Variants in CHCHD3 observed in about 807,000 individuals in gnomAD.
CHCHD3 encodes coiled-coil-helix-coiled-coil-helix domain containing 3, also known as MICOS complex subunit MIC19.
In CHCHD3, 20 loss-of-function variants were observed where a neutral mutation model predicts 38.2. The observed-to-expected ratio is 0.52, with a 90% CI of 0.37 to 0.76. The LOEUF (loss-of-function observed/expected upper bound fraction) is 0.76. CHCHD3 is among the 30% of genes least tolerant of loss of function. CHCHD3 has a pLI of 0.00. For synonymous variants in CHCHD3, 82 were observed against 100.0 expected (o/e 0.82, Z 1.07); for missense variants, 245 against 279.2 (o/e 0.88, Z 0.87).
chr7:132,938,265 A>G (rs189710199), intron 4 of CHCHD3, among the ~76,000 whole-genome samples: 1 of 152,302 alleles, frequency 6.6e-6, no homozygotes, highest in East Asian at 1.9e-4. Context: ...ATCATACCCT[A>G]TTTAACAGAT....
intron 3 of CHCHD3, among the ~76,000 whole-genome samples, chr7:132,997,667 A>C (rs58551400): frequency 2.5e-4 from 22 of 89,556 alleles, no homozygotes; most frequent in South Asian, 3.8e-4. Flanking sequence ...TGTAAAAAAA[A>C]AAAAAAAAAA....
chr7:132,814,561 C>T (rs866599474), intron 6 of CHCHD3, among the ~76,000 whole-genome samples: 2 of 152,184 alleles, frequency 1.3e-5, no homozygotes, highest in South Asian at 4.1e-4. Flanking sequence ...ATAAATGCAC[C>T]ATGGCTGAAT....
intron 3 of CHCHD3, among the ~76,000 whole-genome samples, chr7:132,999,302 CA>C (rs1344517370): frequency 6.6e-6 from 1 of 152,148 alleles, no homozygotes; most frequent in African/African-American, 2.4e-5. Flanking sequence ...TTGGTTTTCT[CA>C]CATGAAGATG....
intron 6 of CHCHD3, among the ~76,000 whole-genome samples, chr7:132,822,223 C>G (rs1807397472): frequency 1.3e-5 from 2 of 152,150 alleles, no homozygotes; most frequent in Admixed American, 6.5e-5. Flanking sequence ...TATGGATTGA[C>G]ATTTCTGCCA....
chr7:133,057,539 G>A (rs1814378854), intron 2 of CHCHD3, among the ~76,000 whole-genome samples: 1 of 151,956 alleles, frequency 6.6e-6, no homozygotes, highest in African/African-American at 2.4e-5. Flanking sequence ...TCCAGCTAGG[G>A]TGATACAGTA....
chr7:132,804,565 AC>A (rs1250577792), intron 6 of CHCHD3, among the ~76,000 whole-genome samples: 5 of 152,220 alleles, frequency 3.3e-5, no homozygotes, highest in African/African-American at 1.2e-4. Context: ...TGCTTTTAAT[AC>A]CAAGAGAAGT....
chr7:132,861,693 C>T (rs771659309), intron 5 of CHCHD3, among the ~76,000 whole-genome samples: 16 of 152,134 alleles, frequency 1.1e-4, no homozygotes, highest in Admixed American at 2.0e-4. Flanking sequence ...TGTTGTAGTA[C>T]GAAAGTAGCC....
At chr7:133,050,340 TAAAAAAAAAAAAAAAAAAAAAAA>T (rs35635002) in intron 2 of CHCHD3, among the ~76,000 whole-genome samples, 17 of 31,852 alleles carry the variant, frequency 5.3e-4, no homozygotes, top group Non-Finnish European at 8.8e-4. Context: ...GGCTGTGTCT[TAAAAAAAAAAAAAAAAAAAAAAA>T]AAAAAAAAAA....
intron 4 of CHCHD3, among the ~76,000 whole-genome samples, chr7:132,939,935 T>C (rs1178119507): frequency 6.6e-6 from 1 of 152,140 alleles, no homozygotes; most frequent in Non-Finnish European, 1.5e-5. Context: ...TTCTTTTGAG[T>C]AAATCTGTTA....
intron 5 of CHCHD3, among the ~76,000 whole-genome samples, chr7:132,877,591 T>TA (rs934859814): frequency 7.2e-5 from 11 of 152,188 alleles, no homozygotes; most frequent in East Asian, 1.9e-4. Context: ...TTGTTGATGA[T>TA]AAAAAAAATT....
At chr7:132,821,987 C>A (rs1474263368) in intron 6 of CHCHD3, among the ~76,000 whole-genome samples, 1 of 152,132 alleles carries the variant, frequency 6.6e-6, no homozygotes, top group Non-Finnish European at 1.5e-5. Context: ...TGGTCTCGAT[C>A]TCCTGACCTC....
intron 6 of CHCHD3, among the ~76,000 whole-genome samples, chr7:132,812,030 C>T (rs1392388875): frequency 6.6e-6 from 1 of 151,900 alleles, no homozygotes; most frequent in South Asian, 2.1e-4. Context: ...CCCTCCTCTA[C>T]CTCCAATTTA....
intron 4 of CHCHD3, among the ~76,000 whole-genome samples, chr7:132,921,818 T>A (rs1810270611): frequency 6.6e-6 from 1 of 152,294 alleles, no homozygotes; most frequent in Admixed American, 6.5e-5. Flanking sequence ...TGACACTGGG[T>A]TGGTGAGAAG....
chr7:133,016,279 CAGTA>C (rs1562938642), intron 3 of CHCHD3, among the ~76,000 whole-genome samples: 1 of 152,114 alleles, frequency 6.6e-6, no homozygotes, highest in Non-Finnish European at 1.5e-5. Context: ...GCTTAGCACA[CAGTA>C]AGTAAGAGAT....
intron 3 of CHCHD3, among the ~76,000 whole-genome samples, chr7:133,011,581 G>A (rs2117412545): frequency 1.3e-5 from 2 of 152,292 alleles, no homozygotes; most frequent in African/African-American, 4.8e-5. Flanking sequence ...AACCTAAAAG[G>A]TCTCCAGGTA....
At chr7:132,877,639 T>C (rs1258552262) in intron 5 of CHCHD3, among the ~76,000 whole-genome samples, 3 of 152,176 alleles carry the variant, frequency 2.0e-5, no homozygotes, top group Non-Finnish European at 4.4e-5. Context: ...GCCACTTTAA[T>C]AAAACCTCTG....
intron 4 of CHCHD3, among the ~76,000 whole-genome samples, chr7:132,957,511 C>T (rs1811210947): frequency 6.6e-6 from 1 of 152,054 alleles, no homozygotes; most frequent in South Asian, 2.1e-4. Context: ...GAGACAGAGT[C>T]TCACTCTGTC....
At chr7:132,881,831 C>T (rs10954396) in intron 5 of CHCHD3, among the ~76,000 whole-genome samples, 32,985 of 152,004 alleles carry the variant, frequency 0.22, 3,832 homozygotes, top group South Asian at 0.26. Context: ...ATTCTCACTG[C>T]CATCACAATA....
chr7:132,837,073 T>C (rs1034061950), intron 6 of CHCHD3, among the ~76,000 whole-genome samples: 1 of 152,196 alleles, frequency 6.6e-6, no homozygotes, highest in African/African-American at 2.4e-5. Flanking sequence ...AATACTCTTC[T>C]TAAAGGCTCA....
Sources: allele counts gnomAD v4.1 joint callset (sites outside exome capture counted in the v4.1 genomes callset), GRCh38; gene constraint gnomAD v4.1.1; transcripts MANE v1.5; gene names NCBI Gene and HGNC (gene_info 2026-07-23, HGNC 2026-07-21).